COL19A1: variants seen among roughly 807,000 people sequenced by gnomAD.
The protein encoded by COL19A1 is collagen type XIX alpha 1 chain, also known as collagen alpha-1(XIX) chain.
In COL19A1, 159 loss-of-function variants were observed where a neutral mutation model predicts 190.2. That is an observed-to-expected ratio of 0.84 (90% CI 0.73 to 0.95). COL19A1 has a LOEUF of 0.95. COL19A1 is among the 40% of genes least tolerant of loss of function. The pLI, the probability that COL19A1 is intolerant of heterozygous loss-of-function variation, is 0.00. For synonymous variants in COL19A1, 509 were observed against 458.9 expected, an observed-to-expected ratio of 1.11 and a Z score of -1.39; for missense variants, 1,418 against 1,431.9, an observed-to-expected ratio of 0.99 and a Z score of 0.16.
chr6:70,114,997 A>G (rs1784482586), intron 16 of COL19A1, among the ~76,000 whole-genome samples: 1 of 152,166 alleles, frequency 6.6e-6, no homozygotes, highest in Non-Finnish European at 1.5e-5. Flanking sequence ...TTGAGTCCCC[A>G]CCACTTACAA....
At chr6:69,949,320 GCTATGATT>G (rs1773993827) in intron 9 of COL19A1, among the ~76,000 whole-genome samples, 1 of 151,760 alleles carries the variant, frequency 6.6e-6, no homozygotes, top group African/African-American at 2.4e-5. Flanking sequence ...GGTGGTGCCA[GCTATGATT>G]CTAACTTGTC....
intron 16 of COL19A1, among the ~76,000 whole-genome samples, chr6:70,106,323 TGTGTGC>T (rs1783958945): frequency 1.3e-5 from 1 of 77,640 alleles, no homozygotes; most frequent in Admixed American, 1.3e-4. Context: ...AATAGCTAAG[TGTGTGC>T]GTGTGTGTGT....
chr6:70,020,654 C>T (rs996660748), intron 11 of COL19A1, among the ~76,000 whole-genome samples: 9 of 152,076 alleles, frequency 5.9e-5, no homozygotes, highest in African/African-American at 2.2e-4. Flanking sequence ...CCTCTAGGAA[C>T]ATTTGGCAAT....
chr6:70,035,009 T>C (rs1308169412), intron 13 of COL19A1, among the ~76,000 whole-genome samples: 2 of 152,324 alleles, frequency 1.3e-5, no homozygotes, highest in African/African-American at 4.8e-5. Context: ...TTTAATTCAA[T>C]TGTTCCAAAA....
intron 36 of COL19A1, 76 bp from the exon 37 acceptor site, chr6:70,165,865 A>G (rs1024839144): frequency 7.5e-7 from 1 of 1,333,946 alleles, no homozygotes; most frequent in Non-Finnish European, 1.1e-6. Flanking sequence ...TGGCTCTGTG[A>G]TTAATTTCAG....
At chr6:69,997,219 A>G (rs1224970939) in intron 11 of COL19A1, among the ~76,000 whole-genome samples, 2 of 152,212 alleles carry the variant, frequency 1.3e-5, no homozygotes, top group East Asian at 3.8e-4. Context: ...CAGATTGATC[A>G]GAAGTGGATG....
chr6:69,973,402 C>T (rs1042705458), intron 11 of COL19A1, among the ~76,000 whole-genome samples: 5 of 152,160 alleles, frequency 3.3e-5, no homozygotes, highest in African/African-American at 1.2e-4. Flanking sequence ...TACCTCCCAT[C>T]AAGCCTGATT....
At chr6:70,131,658 T>C (rs1229840972) in intron 18 of COL19A1, among the ~76,000 whole-genome samples, 3 of 151,918 alleles carry the variant, frequency 2.0e-5, no homozygotes, top group Admixed American at 2.0e-4. Flanking sequence ...TCTGGACATA[T>C]GCAGGCTAAG....
chr6:70,069,734 A>G (rs1343994582), intron 15 of COL19A1, among the ~76,000 whole-genome samples: 1 of 152,176 alleles, frequency 6.6e-6, no homozygotes, highest in Non-Finnish European at 1.5e-5. Flanking sequence ...CTGCTAAGTC[A>G]GGTCTTCACC....
At position 70,180,502 on chromosome 6, in the gene COL19A1, A is replaced by G. The variant is rs770936809; in HGVS notation, c.2754A>G (p.Pro918=). The stretch of plus-strand genomic sequence containing the variant: ...TTGGAGATATAGGTTTCCCTGGACC[A>G]GAAGGACCCTCAGGAAAGCCAGTAA... The part of the protein sequence containing the change: ...GPVGDIGFPG[P]EGPSGKPGIN... Residue 918 remains proline (P), a synonymous_variant, in exon 44 of 51, where the codon CCA becomes CCG. Transcript: ENST00000620364. 1.5e-5 allele frequency: 25 copies of G among 1,614,164 alleles called. No homozygotes were observed. The East Asian group carries it at 1.8e-4, about 12-fold the overall frequency.
At chr6:70,190,406 C>A in intron 48 of COL19A1, 25 bp downstream of exon 48, 1 of 1,511,638 alleles carries the variant, frequency 6.6e-7, no homozygotes. Context: ...ATAACATTTT[C>A]GAATTTTTCA....
At chr6:69,984,479 T>TC (rs1776210203) in intron 11 of COL19A1, among the ~76,000 whole-genome samples, 1 of 152,162 alleles carries the variant, frequency 6.6e-6, no homozygotes, top group Admixed American at 6.5e-5. Flanking sequence ...TTTCCTCTCC[T>TC]TCCTTCTAAT....
chr6:70,004,887 C>T (rs1777519774), intron 11 of COL19A1, among the ~76,000 whole-genome samples: 1 of 150,926 alleles, frequency 6.6e-6, no homozygotes, highest in Non-Finnish European at 1.5e-5. Context: ...AGCTGGAGTG[C>T]AGTGGCTCGA....
chr6:70,065,151 T>C (rs1781099271), intron 14 of COL19A1, among the ~76,000 whole-genome samples: 1 of 152,062 alleles, frequency 6.6e-6, no homozygotes, highest in African/African-American at 2.4e-5. Context: ...CATTGCCAAG[T>C]CAATCCTAAG....
At chr6:70,143,532 T>G (rs2150236907) in intron 23 of COL19A1, among the ~76,000 whole-genome samples, 1 of 152,248 alleles carries the variant, frequency 6.6e-6, no homozygotes, top group South Asian at 2.1e-4. Flanking sequence ...AGGCAACTCT[T>G]AGGATCTCTC....
At chr6:70,167,769 T>G (rs1003091475) in intron 37 of COL19A1, among the ~76,000 whole-genome samples, 2 of 152,214 alleles carry the variant, frequency 1.3e-5, no homozygotes, top group East Asian at 1.9e-4. Context: ...ACCTGAACAT[T>G]AATTAAACCC....
At chr6:70,118,341 C>A (rs929009081) in intron 16 of COL19A1, among the ~76,000 whole-genome samples, 1 of 152,160 alleles carries the variant, frequency 6.6e-6, no homozygotes, top group African/African-American at 2.4e-5. Context: ...TATTAATGAC[C>A]ACTATCTTTG....
chr6:70,148,925 TAA>T (rs5877241), intron 27 of COL19A1, among the ~76,000 whole-genome samples: 181 of 142,982 alleles, frequency 1.3e-3, no homozygotes, highest in Middle Eastern at 3.5e-3. Context: ...AGACTCCATC[TAA>T]AAAAAAAAAA....
At chr6:70,101,487 C>T (rs1783628121) in intron 15 of COL19A1, among the ~76,000 whole-genome samples, 1 of 152,018 alleles carries the variant, frequency 6.6e-6, no homozygotes, top group South Asian at 2.1e-4. Flanking sequence ...TGGTTGTAAT[C>T]ATGAAGATTA....
Sources: gnomAD v4.1 joint callset for allele counts (sites outside exome capture counted in the v4.1 genomes callset) on GRCh38, gnomAD v4.1.1 for gene constraint, MANE v1.5 for transcripts, NCBI Gene and HGNC (gene_info 2026-07-23, HGNC 2026-07-21) for gene names.